Variants in LHFPL2 observed in about 807,000 individuals in gnomAD.
The protein encoded by LHFPL2 is LHFPL tetraspan subfamily member 2, also known as LHFPL tetraspan subfamily member 2 protein.
In LHFPL2, 7 loss-of-function variants were observed where a neutral mutation model predicts 17.5. The observed-to-expected ratio is 0.40, with a 90% CI of 0.23 to 0.75. The LOEUF (loss-of-function observed/expected upper bound fraction) is 0.75. Ranked by LOEUF, LHFPL2 falls within the 30% of genes least tolerant of loss-of-function variation. The pLI is 0.37. For missense variants in LHFPL2, 241 were observed against 294.8 expected (o/e 0.82, Z 1.34); for synonymous variants, 134 against 116.2 (o/e 1.15, Z -0.99).
At chr5:78,564,615 T>A (rs909860773) in intron 3 of LHFPL2, among the ~76,000 whole-genome samples, 198 bp downstream of exon 3, 1 of 152,176 alleles carries the variant, frequency 6.6e-6, no homozygotes, top group African/African-American at 2.4e-5. Context: ...TCAATATCAT[T>A]TAAGAAACTT....
intron 3 of LHFPL2, among the ~76,000 whole-genome samples, chr5:78,510,771 A>C (rs1203530789): frequency 6.6e-6 from 1 of 152,210 alleles, no homozygotes; most frequent in East Asian, 1.9e-4. Flanking sequence ...AGAGAGGAGG[A>C]GGCAAGACTG....
intron 2 of LHFPL2, among the ~76,000 whole-genome samples, chr5:78,608,081 A>C (rs546467786): frequency 6.6e-6 from 1 of 152,248 alleles, no homozygotes; most frequent in Non-Finnish European, 1.5e-5. Context: ...AAATGAGATC[A>C]AGGAGATAAA....
chr5:78,565,394 T>C (rs913971890), intron 2 of LHFPL2, among the ~76,000 whole-genome samples: 1 of 152,178 alleles, frequency 6.6e-6, no homozygotes, highest in Non-Finnish European at 1.5e-5. Context: ...AACCCTAACA[T>C]AGTAAAAAGA....
chr5:78,596,341 G>A (rs755811738), intron 2 of LHFPL2, among the ~76,000 whole-genome samples: 5 of 152,214 alleles, frequency 3.3e-5, no homozygotes, highest in African/African-American at 4.8e-5. Context: ...CAGAAGGTAA[G>A]CAGCTGCCTA....
At position 78,487,070 on chromosome 5, in the gene LHFPL2, GT is replaced by G. The variant is rs2112277740; in HGVS notation, c.*1826del. On this transcript the variant is annotated 3_prime_UTR_variant, in exon 5 of 5. Coordinates refer to ENST00000380345, the MANE Select transcript of LHFPL2 (RefSeq NM_005779.3). ...TTCCTAGGCTGCTATGAAGATACCC[GT>G]TTTTTTCTTCACCAAAATCACAGGA... 6.6e-6 allele frequency: 1 copy of G among 152,088 alleles called. No homozygotes were observed. Among genetic ancestry groups the G allele is most frequent in the East Asian group, 1.9e-4 (1 of 5,174 alleles). 9.4% of individuals were successfully genotyped at this position (152,088 alleles called of 1,614,324 possible).
intron 4 of LHFPL2, among the ~76,000 whole-genome samples, chr5:78,493,368 A>C (rs955625793): frequency 6.6e-6 from 1 of 152,236 alleles, no homozygotes; most frequent in Non-Finnish European, 1.5e-5. Flanking sequence ...CACAGACTTC[A>C]TCCTAGCAGT....
intron 3 of LHFPL2, among the ~76,000 whole-genome samples, chr5:78,544,053 T>G (rs1186363279): frequency 9.2e-5 from 14 of 151,884 alleles, no homozygotes; most frequent in Admixed American, 9.2e-4. Context: ...ACTGAGGGAG[T>G]GCTGAGGACA....
At chr5:78,552,058 T>C (rs1374699332) in intron 3 of LHFPL2, among the ~76,000 whole-genome samples, 1 of 152,222 alleles carries the variant, frequency 6.6e-6, no homozygotes, top group Non-Finnish European at 1.5e-5. Context: ...GTCTTCATTC[T>C]GAAGGCACTC....
At chr5:78,490,662 C>A (rs1453841186) in intron 4 of LHFPL2, among the ~76,000 whole-genome samples, 1 of 145,676 alleles carries the variant, frequency 6.9e-6, no homozygotes, top group Admixed American at 7.0e-5. Context: ...GCAGAAGAAT[C>A]GCTTGAACCC....
chr5:78,526,430 A>G (rs1190095837), intron 3 of LHFPL2, among the ~76,000 whole-genome samples: 1 of 152,192 alleles, frequency 6.6e-6, no homozygotes, highest in African/African-American at 2.4e-5. Context: ...AATACAACCA[A>G]GTCTTTGTGA....
At chr5:78,600,231 G>C (rs2112471903) in intron 2 of LHFPL2, among the ~76,000 whole-genome samples, 1 of 151,580 alleles carries the variant, frequency 6.6e-6, no homozygotes. Context: ...TGTCAAGCGA[G>C]CAAACTAGAT....
chr5:78,543,042 C>G (rs1756160512), intron 3 of LHFPL2, among the ~76,000 whole-genome samples: 1 of 152,182 alleles, frequency 6.6e-6, no homozygotes, highest in Non-Finnish European at 1.5e-5. Context: ...TGGGGGAATG[C>G]CAGCAGCTGT....
intron 4 of LHFPL2, among the ~76,000 whole-genome samples, chr5:78,504,402 G>C (rs1288722745): frequency 2.6e-5 from 4 of 152,140 alleles, no homozygotes; most frequent in African/African-American, 9.7e-5. Flanking sequence ...CCCCTGTTCT[G>C]ATTTCTCTCC....
chr5:78,509,424 A>G (rs1755032880), intron 4 of LHFPL2, among the ~76,000 whole-genome samples: 1 of 152,176 alleles, frequency 6.6e-6, no homozygotes, highest in South Asian at 2.1e-4. Flanking sequence ...CGCTCTCCAT[A>G]ATTCCTCAGG....
intron 3 of LHFPL2, among the ~76,000 whole-genome samples, chr5:78,528,233 GCAGGGGTC>G (rs1755676858): frequency 6.6e-6 from 1 of 152,058 alleles, no homozygotes; most frequent in African/African-American, 2.4e-5. Flanking sequence ...CTCCTTTATC[GCAGGGGTC>G]CCCAACCCCC....
intron 3 of LHFPL2, among the ~76,000 whole-genome samples, 173 bp downstream of exon 3, chr5:78,564,640 T>C (rs1256635834): frequency 6.6e-6 from 1 of 152,232 alleles, no homozygotes; most frequent in Non-Finnish European, 1.5e-5. Context: ...GGGTTGTTTA[T>C]AACATTTATG....
rs1754245485 is a variant in LHFPL2 at position 78,486,466 on chromosome 5, T to TAA, written c.*2429_*2430dup. ...CATATTCCTCATACCCAGTGGTTTTTAAACAGCTGTGTGGAAGAGCATGGT... is the reference window on the plus strand; with the variant it reads ...CATATTCCTCATACCCAGTGGTTTTTAAAAACAGCTGTGTGGAAGAGCATGGT... On this transcript the variant is annotated 3_prime_UTR_variant, in exon 5 of 5. Coordinates refer to ENST00000380345, the MANE Select transcript of LHFPL2 (RefSeq NM_005779.3). 6.6e-6 allele frequency: 1 copy of TAA among 152,236 alleles called. No homozygotes were observed. The highest frequency in any genetic ancestry group is 2.1e-4 in the South Asian group (1 of 4,834). 9.4% of individuals were successfully genotyped at this position (152,236 alleles called of 1,614,324 possible).
At chr5:78,514,873 AACAG>A (rs1755244602) in intron 3 of LHFPL2, among the ~76,000 whole-genome samples, 1 of 152,220 alleles carries the variant, frequency 6.6e-6, no homozygotes, top group African/African-American at 2.4e-5. Context: ...AGTTGGCAAG[AACAG>A]ACAATGATCA....
intron 2 of LHFPL2, among the ~76,000 whole-genome samples, chr5:78,605,906 C>T (rs556619266): frequency 5.3e-5 from 8 of 152,278 alleles, no homozygotes; most frequent in Non-Finnish European, 7.3e-5. Context: ...GCTATTTAAC[C>T]CTCACGATCC....
Sources: gnomAD v4.1 joint callset for allele counts (sites outside exome capture counted in the v4.1 genomes callset) on GRCh38, gnomAD v4.1.1 for gene constraint, MANE v1.5 for transcripts, NCBI Gene and HGNC (gene_info 2026-07-23, HGNC 2026-07-21) for gene names.